The following PRKD1 variants were observed in gnomAD, a reference collection of about 807,000 sequenced individuals.
PRKD1 encodes protein kinase D1, also known as serine/threonine-protein kinase D1.
In PRKD1, 63 loss-of-function variants were observed where a neutral mutation model predicts 95.9. That is an observed-to-expected ratio of 0.66 (90% CI 0.54 to 0.81). PRKD1 has a LOEUF of 0.81. Ranked by LOEUF, PRKD1 falls within the 30% of genes least tolerant of loss-of-function variation. The probability of loss-of-function intolerance (pLI) is 0.00; values close to 1 mark genes in which losing one functional copy is unlikely to be tolerated. For missense variants in PRKD1, 1,048 were observed against 1,165.3 expected (o/e 0.90, Z 1.47); for synonymous variants, 425 against 423.1 (o/e 1.00, Z -0.05).
intron 1 of PRKD1, among the ~76,000 whole-genome samples, chr14:29,777,738 G>C (rs576278726): frequency 2.0e-5 from 3 of 152,260 alleles, no homozygotes; most frequent in African/African-American, 7.2e-5. Flanking sequence ...AGATCAACGA[G>C]ACAGAAAGTT....
At position 29,719,140 on chromosome 14, in the gene PRKD1, G is replaced by C. The variant is rs1885765645; in HGVS notation, c.403+6396C>G. Among the ~76,000 whole-genome samples, 4 of 152,076 alleles carry C rather than the reference G, an allele frequency of 2.6e-5. No homozygotes were observed. The South Asian group carries it at 8.3e-4, about 31-fold the overall frequency. ...ATTTAGGCATTGAATCGTAGTAGGA[G>C]TAAAACATGCTTATAAGGATTTCTT... On this transcript the variant is annotated intron_variant, in intron 2 of 17. Coordinates refer to ENST00000331968, the MANE Select transcript of PRKD1 (RefSeq NM_002742.3).
chr14:29,676,594 C>T (rs1345411333), intron 2 of PRKD1, among the ~76,000 whole-genome samples: 3 of 152,166 alleles, frequency 2.0e-5, no homozygotes, highest in Admixed American at 2.0e-4. Context: ...ACCTCGTGAT[C>T]TGCCCGCCTC....
At chr14:29,620,942 A>C (rs1375932696) in intron 13 of PRKD1, among the ~76,000 whole-genome samples, 1 of 152,012 alleles carries the variant, frequency 6.6e-6, no homozygotes, top group African/African-American at 2.4e-5. Flanking sequence ...TCCAACAATG[A>C]TAGACTGGAT....
chr14:29,841,448 G>GT (rs1371515626), intron 1 of PRKD1, among the ~76,000 whole-genome samples: 1 of 152,156 alleles, frequency 6.6e-6, no homozygotes, highest in Admixed American at 6.5e-5. Context: ...CCATTGGGGG[G>GT]TTACTGAATC....
At chr14:29,727,456 T>C (rs1886216363) in intron 1 of PRKD1, among the ~76,000 whole-genome samples, 1 of 151,760 alleles carries the variant, frequency 6.6e-6, no homozygotes, top group Non-Finnish European at 1.5e-5. Flanking sequence ...GTTTTAGACA[T>C]GAAGTCCTTG....
chr14:29,672,128 G>A (rs1448127658), intron 2 of PRKD1, among the ~76,000 whole-genome samples: 1 of 151,940 alleles, frequency 6.6e-6, no homozygotes, highest in East Asian at 1.9e-4. Context: ...AGATCACGAG[G>A]TCAGGAGATC....
intron 1 of PRKD1, among the ~76,000 whole-genome samples, chr14:29,844,206 G>A (rs138500651): frequency 7.0e-4 from 106 of 152,270 alleles, no homozygotes; most frequent in African/African-American, 2.5e-3. Context: ...TATATTAGAG[G>A]CAAGTGCAAG....
chr14:29,822,102 G>A (rs191921504), intron 1 of PRKD1, among the ~76,000 whole-genome samples: 543 of 152,184 alleles, frequency 3.6e-3, no homozygotes, highest in Middle Eastern at 6.8e-3. Context: ...TATGATTAAT[G>A]CACTGCCCAG....
chr14:29,879,979 T>C (rs972290043), intron 1 of PRKD1, among the ~76,000 whole-genome samples: 1 of 152,160 alleles, frequency 6.6e-6, no homozygotes, highest in Non-Finnish European at 1.5e-5. Flanking sequence ...ACATTCCATT[T>C]TAAAAGGGAA....
chr14:29,651,847 T>G (rs562335622), intron 4 of PRKD1, among the ~76,000 whole-genome samples: 1 of 152,212 alleles, frequency 6.6e-6, no homozygotes, highest in Admixed American at 6.5e-5. Flanking sequence ...CAGGTTCAAG[T>G]GATACTCCTA....
At chr14:29,632,827 C>T in intron 9 of PRKD1, 42 bp downstream of exon 9, 1 of 1,524,028 alleles carries the variant, frequency 6.6e-7, no homozygotes, top group South Asian at 1.1e-5. Flanking sequence ...CATGAAAAAG[C>T]AATAAGAGGT....
chr14:29,822,752 G>A (rs1473315205), intron 1 of PRKD1, among the ~76,000 whole-genome samples: 1 of 152,030 alleles, frequency 6.6e-6, no homozygotes, highest in South Asian at 2.1e-4. Context: ...AAACTATTCT[G>A]TTTAGGGAAT....
At chr14:29,637,260 C>A (rs764384092) in intron 6 of PRKD1, among the ~76,000 whole-genome samples, 1 of 152,104 alleles carries the variant, frequency 6.6e-6, no homozygotes, top group Non-Finnish European at 1.5e-5. Flanking sequence ...TTGAAAATCA[C>A]GAATTCCAAT....
chr14:29,770,280 A>G (rs1016542616), intron 1 of PRKD1, among the ~76,000 whole-genome samples: 3 of 152,246 alleles, frequency 2.0e-5, no homozygotes, highest in African/African-American at 7.2e-5. Flanking sequence ...TTGCTATCAC[A>G]AATACCTAAA....
intron 1 of PRKD1, among the ~76,000 whole-genome samples, chr14:29,731,906 C>G (rs1886458418): frequency 1.3e-5 from 2 of 150,064 alleles, no homozygotes; most frequent in Admixed American, 1.3e-4. Context: ...CCGAATCTCA[C>G]TCTGGCGCCC....
chr14:29,776,890 G>C (rs1282565153), intron 1 of PRKD1, among the ~76,000 whole-genome samples: 2 of 152,216 alleles, frequency 1.3e-5, no homozygotes, highest in Non-Finnish European at 2.9e-5. Flanking sequence ...AGGGCAGCCA[G>C]AGAGAAAGGT....
At chr14:29,875,223 A>G (rs1266863893) in intron 1 of PRKD1, among the ~76,000 whole-genome samples, 3 of 152,274 alleles carry the variant, frequency 2.0e-5, no homozygotes, top group Admixed American at 6.5e-5. Context: ...TGCCTTTCCC[A>G]GAGATAGATA....
intron 1 of PRKD1, among the ~76,000 whole-genome samples, chr14:29,849,155 C>T (rs547645883): frequency 3.9e-5 from 6 of 152,174 alleles, no homozygotes; most frequent in African/African-American, 1.4e-4. Context: ...AGACTTTCCC[C>T]TTTGGTGCTG....
intron 2 of PRKD1, among the ~76,000 whole-genome samples, chr14:29,709,340 C>T (rs1293936291): frequency 6.6e-6 from 1 of 152,076 alleles, no homozygotes; most frequent in Admixed American, 6.6e-5. Flanking sequence ...AATTTATAAG[C>T]TTTTAAATCC....
Sources: allele counts gnomAD v4.1 joint callset (sites outside exome capture counted in the v4.1 genomes callset), GRCh38; gene constraint gnomAD v4.1.1; transcripts MANE v1.5; gene names NCBI Gene and HGNC (gene_info 2026-07-23, HGNC 2026-07-21).